THADA: variants seen among roughly 807,000 people sequenced by gnomAD.
THADA encodes THADA armadillo repeat containing, also known as tRNA (32-2'-O)-methyltransferase regulator THADA.
Under a neutral mutation model 219.8 loss-of-function variants are expected in THADA, and 213 were observed. That is an observed-to-expected ratio of 0.97 (90% CI 0.87 to 1.09). The LOEUF is 1.09. Among genes scored for constraint, THADA ranks in the 50% least tolerant of loss-of-function variants. The probability of loss-of-function intolerance (pLI) is 0.00; values close to 1 mark genes in which losing one functional copy is unlikely to be tolerated. For missense variants in THADA, 2,956 were observed against 2,311.3 expected (o/e 1.28, Z -5.72); for synonymous variants, 1,018 against 828.9 (o/e 1.23, Z -3.92).
chr2:43,450,565 A>AT (rs2104893244), intron 26 of THADA, among the ~76,000 whole-genome samples: 1 of 152,316 alleles, frequency 6.6e-6, no homozygotes, highest in South Asian at 2.1e-4. Context: ...TAAACTAAAC[A>AT]TTAAAAAAAA....
chr2:43,480,781 C>T (rs1054210651), intron 26 of THADA, among the ~76,000 whole-genome samples: 1 of 148,098 alleles, frequency 6.8e-6, no homozygotes, highest in Non-Finnish European at 1.5e-5. Flanking sequence ...TCCTGCCATT[C>T]AACTCCAGCC....
chr2:43,247,463 C>T (rs922397871), intron 36 of THADA, among the ~76,000 whole-genome samples: 2 of 152,090 alleles, frequency 1.3e-5, no homozygotes, highest in East Asian at 1.9e-4. Flanking sequence ...TGGGCACGGC[C>T]GGGTGAGGTG....
chr2:43,425,442 TTGTATG>T (rs1313508945), intron 28 of THADA, among the ~76,000 whole-genome samples: 1,693 of 112,874 alleles, frequency 0.015, 36 homozygotes, highest in African/African-American at 0.056. Flanking sequence ...CTTGTTAAAA[TTGTATG>T]TGTGTGTGTG....
At chr2:43,358,481 G>C (rs1558635191) in intron 29 of THADA, among the ~76,000 whole-genome samples, 1 of 152,214 alleles carries the variant, frequency 6.6e-6, no homozygotes, top group African/African-American at 2.4e-5. Flanking sequence ...GTTCATGGGG[G>C]AGATAGGTGG....
At chr2:43,552,426 G>T in intron 17 of THADA, 87 bp from the exon 18 acceptor site, 1 of 1,370,650 alleles carries the variant, frequency 7.3e-7, no homozygotes, top group Non-Finnish European at 9.8e-7. Flanking sequence ...CCATTAATAT[G>T]GCCAACTCAA....
At chr2:43,587,063 G>T in intron 4 of THADA, 61 bp from the exon 5 acceptor site, 1 of 1,509,546 alleles carries the variant, frequency 6.6e-7, no homozygotes, top group East Asian at 2.3e-5. Context: ...TATGTGGAGA[G>T]GGAAGAGAAT....
Position 43,593,537 on chromosome 2 carries a change from G to A in THADA, c.-24-1121C>T, listed in dbSNP as rs1701803043. On this transcript the variant is annotated intron_variant, in intron 1 of 37. Transcript: ENST00000405975. ...ACAGCTCAGTTAACCAAAGGTGTTT[G>A]GCCTGGAGAAAAAGTCAACAGAACA... 2.0e-5 allele frequency among the ~76,000 whole-genome samples: 3 copies of A among 152,198 alleles called. No individual in the cohort carries two copies. The South Asian group carries it at 6.2e-4, about 32-fold the overall frequency.
intron 29 of THADA, among the ~76,000 whole-genome samples, chr2:43,392,331 T>C (rs894083399): frequency 3.3e-4 from 50 of 152,326 alleles, no homozygotes; most frequent in African/African-American, 1.2e-3. Context: ...TATATATACA[T>C]ATCTTTTCTA....
intron 36 of THADA, among the ~76,000 whole-genome samples, chr2:43,234,117 C>T (rs893503709): frequency 1.3e-5 from 2 of 152,182 alleles, no homozygotes; most frequent in East Asian, 3.9e-4. Flanking sequence ...TGATCAAATG[C>T]TGTCTCCCCA....
At chr2:43,440,274 A>G (rs977359736) in intron 26 of THADA, among the ~76,000 whole-genome samples, 4 of 151,804 alleles carry the variant, frequency 2.6e-5, no homozygotes, top group Non-Finnish European at 5.9e-5. Flanking sequence ...ACACTGATCT[A>G]TTTTCTTCCA....
At chr2:43,480,427 T>C (rs1343941256) in intron 26 of THADA, among the ~76,000 whole-genome samples, 1 of 152,164 alleles carries the variant, frequency 6.6e-6, no homozygotes, top group East Asian at 1.9e-4. Context: ...TTCTGATTTA[T>C]CTTTGGATCC....
chr2:43,308,054 A>T (rs1027845054), intron 31 of THADA, among the ~76,000 whole-genome samples: 1 of 152,184 alleles, frequency 6.6e-6, no homozygotes, highest in African/African-American at 2.4e-5. Flanking sequence ...AAAAATTCAC[A>T]AGATGAAAAT....
chr2:43,248,261 G>A (rs1425915661), intron 36 of THADA, among the ~76,000 whole-genome samples: 3 of 133,436 alleles, frequency 2.2e-5, no homozygotes, highest in African/African-American at 8.1e-5. Flanking sequence ...ACGGAGTCTC[G>A]CTCTGTCACC....
intron 36 of THADA, among the ~76,000 whole-genome samples, chr2:43,268,518 AG>A (rs1261765870): frequency 6.6e-6 from 1 of 152,234 alleles, no homozygotes; most frequent in East Asian, 1.9e-4. Flanking sequence ...AAAATAGAGC[AG>A]CAAAAACAAG....
At chr2:43,385,606 CAAAAAAAAAAAAAA>C (rs532857816) in intron 29 of THADA, among the ~76,000 whole-genome samples, 2 of 49,930 alleles carry the variant, frequency 4.0e-5, no homozygotes, top group African/African-American at 6.5e-5. Context: ...GACTCCGTCT[CAAAAAAAAAAAAAA>C]AAAAAAAAAA....
At chr2:43,246,574 C>T (rs190914057) in intron 36 of THADA, among the ~76,000 whole-genome samples, 176 of 152,224 alleles carry the variant, frequency 1.2e-3, no homozygotes, top group Non-Finnish European at 1.9e-3. Flanking sequence ...ACCTCACCCC[C>T]TAGGCCTTTA....
intron 29 of THADA, among the ~76,000 whole-genome samples, chr2:43,383,504 G>T (rs1672277899): frequency 6.6e-6 from 1 of 152,168 alleles, no homozygotes; most frequent in African/African-American, 2.4e-5. Flanking sequence ...ACCAATCACC[G>T]AATGTTAGGT....
At position 43,297,613 on chromosome 2, in the gene THADA, C is replaced by T. The variant is rs867435492; in HGVS notation, c.4439-4400G>A. ...GAGGGAGGTGGGGGGGTCAGCCCCC[C>T]GCCCGGCCAGCCCCCCCGTCCGGGA... On this transcript the variant is annotated intron_variant, in intron 31 of 37. Coordinates refer to ENST00000405975, the MANE Select transcript of THADA (RefSeq NM_022065.5). Among the ~76,000 whole-genome samples, 269 of 103,390 alleles carry T rather than the reference C, an allele frequency of 2.6e-3. 22 individuals carry two copies. Among genetic ancestry groups the T allele is most frequent in the Middle Eastern group, 6.3e-3 (1 of 160 alleles). The allele number at this position is 103,390 out of a possible 152,430, so 67.8% of individuals were successfully genotyped here.
At chr2:43,446,453 T>C (rs1161490163) in intron 26 of THADA, among the ~76,000 whole-genome samples, 2 of 152,156 alleles carry the variant, frequency 1.3e-5, no homozygotes, top group African/African-American at 4.8e-5. Flanking sequence ...ACTACCCTGC[T>C]AGAGAGAGGC....
Sources: gnomAD v4.1 joint callset for allele counts (sites outside exome capture counted in the v4.1 genomes callset) on GRCh38, gnomAD v4.1.1 for gene constraint, MANE v1.5 for transcripts, NCBI Gene and HGNC (gene_info 2026-07-23, HGNC 2026-07-21) for gene names.